The following ZNF846 variants were observed in gnomAD, a reference collection of about 807,000 sequenced individuals.
The protein encoded by ZNF846 is zinc finger protein 420 pseudogene.
Under a neutral mutation model 16.0 loss-of-function variants are expected in ZNF846, and 15 were observed. That is an observed-to-expected ratio of 0.94 (90% CI 0.63 to 1.45). The LOEUF is 1.45. Ranked by LOEUF, ZNF846 falls within the 40% of genes most tolerant of loss-of-function variation. ZNF846 has a pLI of 0.00. For synonymous variants in ZNF846, 229 were observed against 212.0 expected, an observed-to-expected ratio of 1.08 and a Z score of -0.70; for missense variants, 714 against 622.3, an observed-to-expected ratio of 1.15 and a Z score of -1.57.
At chr19:9,775,769 C>T (rs2045434520) in intron 1 of ZNF846, among the ~76,000 whole-genome samples, 1 of 152,136 alleles carries the variant, frequency 6.6e-6, no homozygotes, top group African/African-American at 2.4e-5. Context: ...CCCTTGTGGG[C>T]AGCAAGCCAC....
At chr19:9,756,345 G>GTGTATGTATATATATATA (rs1321690890), downstream of ZNF846, 1 of 81,776 alleles carries the variant, frequency 1.2e-5, no homozygotes, top group African/African-American at 6.1e-5. Flanking sequence ...GTGTGTGTGT[G>GTGTATGTATATATATATA]TATATATATA....
rs1425736620 is a variant in ZNF846, at chr19:9,774,853, C to T, written c.-85-9818G>A. On this transcript the variant is annotated intron_variant, in intron 1 of 4. Coordinates refer to the ZNF846 transcript ENST00000586814. ...TGGTGAATGACCCCCAGCCCGAGCA[C>T]CCGCTTCGGGCTGACCTAGCTGAAG... The T allele has an allele frequency of 6.8e-6, 11 of 1,609,906 alleles. No individual in the cohort carries two copies. The South Asian group carries it at 1.1e-4, about 16-fold the overall frequency.
exon 3 of ZNF846, chr19:9,763,384 C>T: frequency 6.2e-7 from 1 of 1,610,696 alleles, no homozygotes; most frequent in East Asian, 2.2e-5. Flanking sequence ...AAGTCCACAG[C>T]CACATCCTCA....
intron 1 of ZNF846, among the ~76,000 whole-genome samples, chr19:9,773,897 A>G (rs1212581862): frequency 1.3e-5 from 2 of 152,238 alleles, no homozygotes; most frequent in African/African-American, 4.8e-5. Flanking sequence ...GAATAAAATA[A>G]TAAGTTAACA....
chr19:9,775,529 A>G lies in ZNF846; in HGVS notation c.-86+10409T>C, dbSNP rs1206037125. 3.3e-5 allele frequency among the ~76,000 whole-genome samples: 5 copies of G among 152,310 alleles called. No homozygotes were observed. The East Asian group carries it at 9.6e-4, about 29-fold the overall frequency. ...GGGGCAAAAATGCAGTTTGCAATGA[A>G]AGGTGCTAAGATTAAGTGGTTAGCC... On this transcript the variant is annotated intron_variant, in intron 1 of 4. Coordinates refer to the ZNF846 transcript ENST00000586814.
exon 3 of ZNF846, chr19:9,763,363 C>T (rs781358062): frequency 1.1e-5 from 18 of 1,611,540 alleles, no homozygotes; most frequent in Non-Finnish European, 1.5e-5. Context: ...AAAGTCCACT[C>T]CTCCTGGGTA....
chr19:9,757,479 G>T, exon 6 of ZNF846: 4 of 1,567,970 alleles, frequency 2.6e-6, no homozygotes, highest in Non-Finnish European at 3.5e-6. Context: ...AACACTTCAG[G>T]TTTTTTCACA....
At chr19:9,774,493 C>T in intron 1 of ZNF846, 1 of 1,019,880 alleles carries the variant, frequency 9.8e-7, no homozygotes, top group South Asian at 1.4e-5. Context: ...ATACCAAATC[C>T]AAGATGGCGG....
exon 6 of ZNF846, chr19:9,757,748 A>G (rs2045155400): frequency 6.2e-7 from 1 of 1,613,390 alleles, no homozygotes; most frequent in African/African-American, 1.3e-5. Context: ...CTCCAGTGTG[A>G]GTTCTTAAAT....
downstream of ZNF846, among the ~76,000 whole-genome samples, chr19:9,751,009 C>T (rs893058458): frequency 1.3e-5 from 2 of 152,162 alleles, no homozygotes; most frequent in Admixed American, 1.3e-4. Context: ...CAAAACCTCG[C>T]TAGTCAGGCA....
rs1378838836 is a variant in ZNF846 at position 9,759,745 on chromosome 19, G to C, written c.312+115C>G. 1.0e-5 allele frequency: 7 copies of C among 688,684 alleles called. No homozygotes were observed. In the Admixed American group the frequency reaches 2.2e-4, roughly 21 times the overall value. The allele number at this position is 688,684 out of a possible 1,614,324, so 42.7% of individuals were successfully genotyped here. A position where few individuals can be genotyped will look rare whatever the true frequency, so the allele number is the denominator to read the frequency against. ...GTGCTTCCCATATTCATGATATTCA[G>C]AGAATCTCTTCAGACTTTGTTTTCT... On this transcript the variant is annotated intron_variant, in intron 5 of 5. Transcript: ENST00000397902.
chr19:9,762,000 G>T (rs149854688), intron 4 of ZNF846, 82 bp downstream of exon 4: 11 of 1,241,348 alleles, frequency 8.9e-6, no homozygotes, highest in African/African-American at 1.5e-5. Flanking sequence ...TGAGAAGTTC[G>T]CAAAGTAACA....
intron 1 of ZNF846, 76 bp from the exon 2 acceptor site, chr19:9,765,111 G>A (rs2045294045): frequency 2.6e-6 from 2 of 783,330 alleles, no homozygotes; most frequent in South Asian, 3.0e-5. Context: ...GGTGGCTCAT[G>A]CCTGTAATCC....
downstream of ZNF846, among the ~76,000 whole-genome samples, chr19:9,755,012 T>C: frequency 6.6e-6 from 1 of 151,242 alleles, no homozygotes; most frequent in Non-Finnish European, 1.5e-5. Context: ...ACTACAGGCA[T>C]GCACCACCAC....
intron 1 of ZNF846, among the ~76,000 whole-genome samples, chr19:9,775,213 GTA>G (rs1007241009): frequency 2.0e-4 from 30 of 150,438 alleles, no homozygotes; most frequent in African/African-American, 5.9e-4. Context: ...GTGTGTGTGT[GTA>G]TATATATATA....
chr19:9,751,074 C>T (rs1047974242), downstream of ZNF846, among the ~76,000 whole-genome samples: 3 of 152,134 alleles, frequency 2.0e-5, no homozygotes, highest in African/African-American at 4.8e-5. Flanking sequence ...CTGGCTTCTT[C>T]CAATCGTTAG....
chr19:9,781,292 A>C (rs2045499296), intron 1 of ZNF846, among the ~76,000 whole-genome samples: 1 of 151,954 alleles, frequency 6.6e-6, no homozygotes, highest in African/African-American at 2.4e-5. Flanking sequence ...ACGCCCTGTA[A>C]TTTTTGTATT....
At chr19:9,780,553 G>A (rs973399927) in intron 1 of ZNF846, among the ~76,000 whole-genome samples, 10 of 151,870 alleles carry the variant, frequency 6.6e-5, no homozygotes, top group East Asian at 5.8e-4. Flanking sequence ...AGGTTCAAGC[G>A]ATTCTCCTGC....
At position 9,759,938 on chromosome 19, in the gene ZNF846, C is replaced by T; in HGVS notation, c.234G>A (p.Leu78=). 3 of 1,611,540 alleles carry T rather than the reference C, an allele frequency of 1.9e-6. No individual in the cohort carries two copies. Among genetic ancestry groups the T allele is most frequent in the Non-Finnish European group, 1.7e-6 (2 of 1,179,002 alleles). The change falls in exon 5 of 6, where the codon TTG becomes TTA. Residue 78 remains leucine (L), a synonymous_variant. Coordinates refer to ENST00000397902, the Ensembl canonical transcript of ZNF846. ...AGCCTTTGGTTTTGAGTTGCAAATC[C>T]AATTCTGAAATAAAGTGAAAAATGC...
Sources: gnomAD v4.1 joint callset for allele counts (sites outside exome capture counted in the v4.1 genomes callset) on GRCh38, gnomAD v4.1.1 for gene constraint, MANE v1.5 for transcripts, NCBI Gene and HGNC (gene_info 2026-07-23, HGNC 2026-07-21) for gene names.